MR1: variants seen among roughly 807,000 people sequenced by gnomAD.
MR1 encodes the protein major histocompatibility complex, class I-related, also known as major histocompatibility complex class I-related protein 1.
A neutral mutation model predicts 37.8 loss-of-function variants in MR1; 44 were observed. The ratio of observed to expected loss-of-function variants is 1.16; its 90% CI spans 0.91 to 1.50. The LOEUF (loss-of-function observed/expected upper bound fraction) is 1.50, where lower values mean the gene tolerates loss of function less well. Ranked by LOEUF, MR1 falls within the 40% of genes most tolerant of loss-of-function variation. The probability of loss-of-function intolerance (pLI) is 0.00; values close to 1 mark genes in which losing one functional copy is unlikely to be tolerated. For missense variants in MR1, 386 were observed against 419.1 expected (o/e 0.92, Z 0.69); for synonymous variants, 153 against 155.8 (o/e 0.98, Z 0.13).
chr1:181,053,012 C>A (rs957004492), intron 4 of MR1, among the ~76,000 whole-genome samples: 4 of 151,978 alleles, frequency 2.6e-5, no homozygotes, highest in African/African-American at 4.8e-5. Flanking sequence ...TTGCAGTGAG[C>A]CGAGATCGCA....
intron 4 of MR1, among the ~76,000 whole-genome samples, chr1:181,053,106 G>A (rs1367329724): frequency 1.3e-5 from 2 of 151,890 alleles, no homozygotes; most frequent in Non-Finnish European, 2.9e-5. Flanking sequence ...CACAACCCAG[G>A]CGCAGTGGCT....
intron 1 of MR1, among the ~76,000 whole-genome samples, chr1:181,041,863 C>T (rs1354459123): frequency 1.3e-5 from 2 of 152,292 alleles, no homozygotes; most frequent in South Asian, 2.1e-4. Context: ...GTCTTCTCCC[C>T]TTCCCCCGAC....
At chr1:181,035,539 G>A (rs562893585) in intron 1 of MR1, among the ~76,000 whole-genome samples, 17 of 151,872 alleles carry the variant, frequency 1.1e-4, no homozygotes, top group African/African-American at 4.1e-4. Flanking sequence ...GGAGGAGAGA[G>A]GCAAAGGGTG....
chr1:181,051,645 T>C (rs559415329), intron 3 of MR1, among the ~76,000 whole-genome samples: 5 of 152,276 alleles, frequency 3.3e-5, no homozygotes, highest in South Asian at 4.1e-4. Context: ...CACACGTGGG[T>C]ACTTCTTTGG....
At chr1:181,045,833 G>A (rs1657823629) in intron 1 of MR1, among the ~76,000 whole-genome samples, 1 of 152,256 alleles carries the variant, frequency 6.6e-6, no homozygotes, top group Non-Finnish European at 1.5e-5. Flanking sequence ...GAGGTGTGGA[G>A]GGAGAGGCGC....
intron 1 of MR1, among the ~76,000 whole-genome samples, chr1:181,043,750 G>C (rs1206711160): frequency 2.0e-5 from 3 of 152,002 alleles, no homozygotes. Context: ...AGTACAATCA[G>C]TTGCTCTGGG....
intron 1 of MR1, among the ~76,000 whole-genome samples, chr1:181,035,739 C>T (rs966411855): frequency 6.6e-6 from 1 of 152,128 alleles, no homozygotes; most frequent in Admixed American, 6.5e-5. Flanking sequence ...TAGAGAGTGA[C>T]CACGCTCACA....
At position 181,057,404 on chromosome 1, in the gene MR1, G is replaced by A. The variant is rs1298118475; in HGVS notation, c.*2139G>A. ...TTTCTTCTTACAATCAGAATAGTTA[G>A]GATGTAATATATTTTTGGGTGGGCA... is the stretch of plus-strand genomic sequence containing the variant. On this transcript the variant is annotated 3_prime_UTR_variant, in exon 6 of 6. Transcript: ENST00000367580. 1 of 152,194 alleles carries A rather than the reference G, an allele frequency of 6.6e-6. No individual in the cohort carries two copies. The highest frequency in any genetic ancestry group is 2.4e-5 in the African/African-American group (1 of 41,456). 9.4% of individuals were successfully genotyped at this position (152,194 alleles called of 1,614,324 possible).
chr1:181,035,475 C>A (rs58697733), intron 1 of MR1, among the ~76,000 whole-genome samples: 1 of 151,900 alleles, frequency 6.6e-6, no homozygotes, highest in Non-Finnish European at 1.5e-5. Context: ...AAAGTGTCAT[C>A]ATTTATGGGA....
intron 1 of MR1, among the ~76,000 whole-genome samples, chr1:181,036,312 T>G (rs1657266297): frequency 6.6e-6 from 1 of 152,158 alleles, no homozygotes; most frequent in Non-Finnish European, 1.5e-5. Flanking sequence ...TTTGTTCCGT[T>G]AACCTTGACC....
chr1:181,051,770 C>T (rs1658333860), intron 3 of MR1, among the ~76,000 whole-genome samples: 1 of 152,172 alleles, frequency 6.6e-6, no homozygotes, highest in African/African-American at 2.4e-5. Context: ...CGCAAGTACA[C>T]AAGGCAATTC....
intron 1 of MR1, among the ~76,000 whole-genome samples, chr1:181,042,265 C>T (rs1477576641): frequency 3.4e-5 from 5 of 148,428 alleles, no homozygotes; most frequent in Admixed American, 2.0e-4. Flanking sequence ...TGCAGTGGCG[C>T]GATCTCGGCT....
chr1:181,034,156 GGT>G, intron 1 of MR1, 82 bp downstream of exon 1: 1 of 1,405,628 alleles, frequency 7.1e-7, no homozygotes, highest in Non-Finnish European at 9.8e-7. Context: ...TAAAACTTGT[GGT>G]GAAAAATATA....
intron 1 of MR1, among the ~76,000 whole-genome samples, chr1:181,045,826 G>T (rs1274320173): frequency 6.6e-6 from 1 of 152,254 alleles, no homozygotes; most frequent in East Asian, 1.9e-4. Context: ...TTGCAGGGAG[G>T]TGTGGAGGGA....
chr1:181,040,011 A>G (rs1350708053), intron 1 of MR1, among the ~76,000 whole-genome samples: 1 of 152,166 alleles, frequency 6.6e-6, no homozygotes, highest in African/African-American at 2.4e-5. Context: ...TAAAGGGAAC[A>G]TGATTTAGAA....
At chr1:181,045,845 A>G (rs1657825024) in intron 1 of MR1, among the ~76,000 whole-genome samples, 1 of 152,186 alleles carries the variant, frequency 6.6e-6, no homozygotes. Context: ...GAGAGGCGCG[A>G]GCGGGAACCC....
chr1:181,045,211 C>T (rs1344714172), intron 1 of MR1, among the ~76,000 whole-genome samples: 1 of 152,064 alleles, frequency 6.6e-6, no homozygotes, highest in Non-Finnish European at 1.5e-5. Flanking sequence ...GTTTTGAGGA[C>T]TGGGAAGGAT....
chr1:181,051,358 A>G (rs762101264), intron 3 of MR1: 27 of 152,154 alleles, frequency 1.8e-4, no homozygotes, highest in Non-Finnish European at 3.4e-4. Context: ...TCCTAGTAGC[A>G]TTTATTTTAC....
In MR1 at chr1:181,055,609, G is replaced by C; in HGVS notation, c.*344G>C. 3.2e-6 allele frequency: 1 copy of C among 308,714 alleles called. No homozygotes were observed. The allele number at this position is 308,714 out of a possible 1,614,324, so 19.1% of individuals were successfully genotyped here. A position where few individuals can be genotyped will look rare whatever the true frequency, so the allele number is the denominator to read the frequency against. On this transcript the variant is annotated 3_prime_UTR_variant, in exon 6 of 6. Transcript: ENST00000367580. Reference sequence around the variant, plus strand: ...GAGCAGGAAGGAATCTTTTCAACCAGAGCAGGAACTGTCTTCTGCAATGCC... The same window carrying C: ...GAGCAGGAAGGAATCTTTTCAACCACAGCAGGAACTGTCTTCTGCAATGCC...
Sources: gnomAD v4.1 joint callset for allele counts (sites outside exome capture counted in the v4.1 genomes callset) on GRCh38, gnomAD v4.1.1 for gene constraint, MANE v1.5 for transcripts, NCBI Gene and HGNC (gene_info 2026-07-23, HGNC 2026-07-21) for gene names.